Variants in UBR4 observed in about 807,000 individuals in gnomAD.
The protein encoded by UBR4 is ubiquitin protein ligase E3 component n-recognin 4, also known as E3 ubiquitin-protein ligase UBR4.
UBR4 carries 124 observed loss-of-function variants against 575.6 expected under a neutral mutation model. That is an observed-to-expected ratio of 0.22 (90% confidence interval 0.19 to 0.25). The LOEUF (loss-of-function observed/expected upper bound fraction) is 0.25. UBR4 is among the 10% of genes least tolerant of loss of function. The probability of loss-of-function intolerance (pLI) is 1.00; values close to 1 mark genes in which losing one functional copy is unlikely to be tolerated. For missense variants in UBR4, 4,818 were observed against 6,478.8 expected, an observed-to-expected ratio of 0.74 and a Z score of 8.80; for synonymous variants, 2,455 against 2,473.7, an observed-to-expected ratio of 0.99 and a Z score of 0.22.
At position 19,087,895 on chromosome 1, in the gene UBR4, G is replaced by A. The variant is rs1231988073; in HGVS notation, c.14465C>T (p.Ala4822Val). The change falls in exon 99 of 106, where the codon GCA (alanine) becomes GTA (valine). Residue 4822 changes from alanine (A) to valine (V), a missense_variant. Around this residue, in one of 29 missense-constraint regions of UBR4, gnomAD observed 196 missense variants for 386.8 expected, o/e 0.51. Transcript: ENST00000375254. ...NEKGQVVTKTALLKQMEELIE... is the reference protein window; with the variant it reads ...NEKGQVVTKTVLLKQMEELIE... ...CAGCTCTTCCATCTGCTTCAGGAGT[G>A]CTGTCTTGGTCACGACCTGGCCCTT... 6.2e-7 allele frequency: 1 copy of A among 1,609,954 alleles called. No individual in the cohort carries two copies. The highest frequency in any genetic ancestry group is 1.7e-5 in the Admixed American group (1 of 59,746).
chr1:19,121,946 T>G lies in UBR4; in HGVS notation c.9883A>C (p.Ile3295Leu). Residue 3295 changes from isoleucine (I) to leucine (L), a missense_variant, in exon 67 of 106, where the codon ATC (isoleucine) becomes CTC (leucine). Around this residue, in one of 29 missense-constraint regions of UBR4, gnomAD observed 550 missense variants for 791.5 expected, o/e 0.69. Coordinates refer to ENST00000375254, the MANE Select transcript of UBR4 (RefSeq NM_020765.3). ...QRTINWQKFC[I>L]KDDSVLYFLL... ...CAGCATTGCTTACAGTCATCTTTGA[T>G]GCAGAATTTCTGCCAGTTGATGGTT... 6.2e-7 allele frequency: 1 copy of G among 1,614,220 alleles called. No individual in the cohort carries two copies. Among genetic ancestry groups the G allele is most frequent in the Non-Finnish European group, 8.5e-7 (1 of 1,180,024 alleles).
At chr1:19,193,254 G>C (rs1413729684) in intron 9 of UBR4, among the ~76,000 whole-genome samples, 179 bp downstream of exon 9, 1 of 152,180 alleles carries the variant, frequency 6.6e-6, no homozygotes, top group Admixed American at 6.5e-5. Flanking sequence ...CAATATACCA[G>C]ATCAACCAAT....
At chr1:19,191,262 G>C (rs1191635185) in intron 11 of UBR4, among the ~76,000 whole-genome samples, 1 of 152,180 alleles carries the variant, frequency 6.6e-6, no homozygotes, top group African/African-American at 2.4e-5. Context: ...TTGAGGCCAA[G>C]AGTTCGAGAC....
Position 19,128,250 on chromosome 1 carries a change from C to T in UBR4, c.9072G>A (p.Leu3024=), listed in dbSNP as rs1417864666. ...CCAACTCAGCAATAAGCTGGGAGAG[C>T]AGGTTGTCTAGGGCCCCCTTGTCTT... ...DEKDKGALDN[L]LSQLIAELGM... The change falls in exon 62 of 106, where the codon CTG becomes CTA. Residue 3024 remains leucine (L), a synonymous_variant. Transcript: ENST00000375254. 1 of 1,614,070 alleles carries T rather than the reference C, an allele frequency of 6.2e-7. No individual in the cohort carries two copies. Among genetic ancestry groups the T allele is most frequent in the East Asian group, 2.2e-5 (1 of 44,870 alleles).
chr1:19,076,967 G>T (rs2076005411), intron 104 of UBR4, 65 bp from the exon 105 acceptor site: 8 of 1,501,610 alleles, frequency 5.3e-6, no homozygotes, highest in Non-Finnish European at 7.1e-6. Flanking sequence ...TCCGCCTCAA[G>T]TCAGTCAGGC....
intron 102 of UBR4, chr1:19,082,142 C>T: frequency 3.8e-6 from 1 of 264,272 alleles, no homozygotes; most frequent in Non-Finnish European, 7.2e-6. Flanking sequence ...ATCCTCCCGC[C>T]TTCGTTAGAA....
intron 60 of UBR4, among the ~76,000 whole-genome samples, chr1:19,135,755 A>G (rs569997706): frequency 6.6e-6 from 1 of 152,308 alleles, no homozygotes; most frequent in Non-Finnish European, 1.5e-5. Flanking sequence ...ATCCCAGAAA[A>G]TAAGTGAAAT....
Position 19,096,572 on chromosome 1 carries a change from T to C in UBR4, c.13469A>G (p.Asn4490Ser), listed in dbSNP as rs149954788. The C allele has an allele frequency of 1.2e-5, 19 of 1,613,528 alleles. No homozygotes were observed. Among genetic ancestry groups the C allele is most frequent in the Non-Finnish European group, 1.5e-5 (18 of 1,179,872 alleles). ...GAAATCTCTGATCCCTGCGAGTCTG[T>C]TAAGCATGCATTCCAGGCCCCCACA... ...AQCGGLECML[N>S]RLAGIRDFKQ... The change falls in exon 92 of 106, where the codon AAC (asparagine) becomes AGC (serine). Residue 4490 changes from asparagine to serine, a missense_variant. Asn to Ser is a conservative substitution (Grantham distance 46, BLOSUM62 1). Coordinates refer to ENST00000375254, the MANE Select transcript of UBR4 (RefSeq NM_020765.3).
At chr1:19,205,571 T>C (rs531656025) in intron 1 of UBR4, among the ~76,000 whole-genome samples, 1 of 152,104 alleles carries the variant, frequency 6.6e-6, no homozygotes, top group East Asian at 1.9e-4. Flanking sequence ...GTTAATGTGA[T>C]ACTAAGACAT....
chr1:19,206,332 GTCTC>G lies in UBR4; in HGVS notation c.176+3737_176+3740del, dbSNP rs775501797. On this transcript the variant is annotated intron_variant, in intron 1 of 105. Transcript: ENST00000375254. ...AGCCCAGCCAACAGAAGGAGACCCT[GTCTC>G]TCTTTTTTTTTTTTTAGATGGAGTT... Among the ~76,000 whole-genome samples the G allele has an allele frequency of 3.3e-5, 5 of 151,342 alleles. 1 individual carries two copies. The South Asian group carries it at 6.3e-4, about 19-fold the overall frequency.
intron 103 of UBR4, 118 bp downstream of exon 103, chr1:19,081,231 G>A: frequency 1.1e-6 from 1 of 869,582 alleles, no homozygotes; most frequent in African/African-American, 1.7e-5. Flanking sequence ...AGAAGGGCTG[G>A]TGTCAACCAC....
intron 85 of UBR4, 67 bp from the exon 86 acceptor site, chr1:19,104,733 G>T: frequency 1.3e-6 from 2 of 1,510,296 alleles, no homozygotes; most frequent in Admixed American, 1.8e-5. Flanking sequence ...CTCCACCACT[G>T]TCCCAGGAGC....
At chr1:19,097,393 T>C in intron 90 of UBR4, 113 bp from the exon 91 acceptor site, 1 of 774,792 alleles carries the variant, frequency 1.3e-6, no homozygotes, top group Non-Finnish European at 2.0e-6. Context: ...TCTATTTTTC[T>C]ACAAAGTCTC....
chr1:19,160,765 TGAC>T (rs2087209601), intron 38 of UBR4, 149 bp downstream of exon 38: 1 of 753,326 alleles, frequency 1.3e-6, no homozygotes, highest in East Asian at 2.7e-5. Flanking sequence ...CCTTCCCTCG[TGAC>T]GACAATACAT....
rs184905813 is a variant in UBR4, at chr1:19,159,800, T to A, written c.5577+311A>T. ...TGTTTTTTGGGGTAGAGATGAGGTTTCACCATGTTGCCAAGGCTGGTCTTA... is the reference window on the plus strand; with the variant it reads ...TGTTTTTTGGGGTAGAGATGAGGTTACACCATGTTGCCAAGGCTGGTCTTA... On this transcript the variant is annotated intron_variant, in intron 39 of 105. Coordinates refer to ENST00000375254, the MANE Select transcript of UBR4 (RefSeq NM_020765.3). 5.5e-3 allele frequency among the ~76,000 whole-genome samples: 844 copies of A among 152,170 alleles called. 4 individuals carry two copies. The highest frequency in any genetic ancestry group is 8.9e-3 in the Non-Finnish European group (606 of 67,988).
At chr1:19,075,587 C>T (rs1415805384) in intron 105 of UBR4, 1 of 153,656 alleles carries the variant, frequency 6.5e-6, no homozygotes, top group Admixed American at 6.5e-5. Context: ...AGTGTTAGCA[C>T]AGGCCCGCCC....
rs1231510512 is a variant in UBR4 at position 19,115,466 on chromosome 1, G to A, written c.10995C>T (p.Ala3665=). ...AGACTCCTGGGTTGGCAGGGACCGA[G>A]GCACTACAGCGAGGGCACTGCAGGG... is the stretch of plus-strand genomic sequence containing the variant. ...TETLQCPRCS[A]SVPANPGVCG... Residue 3665 remains alanine, a synonymous_variant, in exon 74 of 106, where the codon GCC becomes GCT. Coordinates refer to ENST00000375254, the MANE Select transcript of UBR4 (RefSeq NM_020765.3). 6 of 1,614,074 alleles carry A rather than the reference G, an allele frequency of 3.7e-6. No homozygotes were observed. Among genetic ancestry groups the A allele is most frequent in the Non-Finnish European group, 5.1e-6 (6 of 1,180,050 alleles).
intron 62 of UBR4, among the ~76,000 whole-genome samples, chr1:19,127,956 T>C (rs1231070728): frequency 6.6e-6 from 1 of 152,212 alleles, no homozygotes; most frequent in Non-Finnish European, 1.5e-5. Flanking sequence ...ACTAATTTAA[T>C]GTTCTCACCT....
At chr1:19,077,395 C>A (rs2076054401) in intron 104 of UBR4, among the ~76,000 whole-genome samples, 1 of 152,210 alleles carries the variant, frequency 6.6e-6, no homozygotes, top group Admixed American at 6.5e-5. Flanking sequence ...TCCTGCACAG[C>A]CGAGTCTGGA....
Sources: gnomAD v4.1 joint callset for allele counts (sites outside exome capture counted in the v4.1 genomes callset) on GRCh38, gnomAD v4.1.1 for gene constraint, gnomAD v4.1.1 regional missense constraint, MANE v1.5 for transcripts, NCBI Gene and HGNC (gene_info 2026-07-23, HGNC 2026-07-21) for gene names.